IL12RB2: variants seen among roughly 807,000 people sequenced by gnomAD.
IL12RB2 encodes the protein interleukin 12 receptor subunit beta 2, also known as interleukin-12 receptor subunit beta-2.
IL12RB2 carries 82 observed loss-of-function variants against 89.4 expected under a neutral mutation model. That is an observed-to-expected ratio of 0.92 (90% confidence interval 0.77 to 1.10). The LOEUF is 1.10. Ranked by LOEUF, IL12RB2 falls within the 50% of genes least tolerant of loss-of-function variation. IL12RB2 has a pLI of 0.00. For missense variants in IL12RB2, 963 were observed against 1,031.9 expected, an observed-to-expected ratio of 0.93 and a Z score of 0.92; for synonymous variants, 368 against 370.1, an observed-to-expected ratio of 0.99 and a Z score of 0.07.
chr1:67,360,245 T>C (rs983957460), intron 10 of IL12RB2, among the ~76,000 whole-genome samples: 11 of 151,272 alleles, frequency 7.3e-5, no homozygotes, highest in Admixed American at 3.3e-4. Context: ...CTACTAAAAA[T>C]GCAAATTAGC....
chr1:67,368,224 TCTTA>T (rs1037237908), intron 11 of IL12RB2, among the ~76,000 whole-genome samples, 199 bp downstream of exon 11: 6 of 152,230 alleles, frequency 3.9e-5, no homozygotes, highest in African/African-American at 1.4e-4. Context: ...CTAAAAGCTC[TCTTA>T]TTTATGGAAA....
At chr1:67,333,910 CTCTG>C (rs1342803376) in intron 8 of IL12RB2, among the ~76,000 whole-genome samples, 1 of 152,198 alleles carries the variant, frequency 6.6e-6, no homozygotes, top group Non-Finnish European at 1.5e-5. Context: ...ACCAATATGT[CTCTG>C]TCTGTTAATC....
At chr1:67,320,237 G>GA (rs1464806059) in intron 2 of IL12RB2, 96 bp from the exon 3 acceptor site, 4 of 1,566,298 alleles carry the variant, frequency 2.6e-6, no homozygotes, top group Non-Finnish European at 3.5e-6. Flanking sequence ...ACAAGGTGGA[G>GA]AAAAATAAAG....
chr1:67,352,061 T>A (rs990813768), intron 10 of IL12RB2, among the ~76,000 whole-genome samples: 1 of 152,222 alleles, frequency 6.6e-6, no homozygotes, highest in African/African-American at 2.4e-5. Flanking sequence ...TAATATACAC[T>A]GTTAAATCTT....
chr1:67,366,126 TA>T (rs938365841), intron 10 of IL12RB2, among the ~76,000 whole-genome samples: 30 of 151,894 alleles, frequency 2.0e-4, no homozygotes, highest in Non-Finnish European at 3.8e-4. Context: ...AAATAACTAG[TA>T]ATATATGAAA....
At chr1:67,370,233 G>A (rs977740943) in intron 11 of IL12RB2, among the ~76,000 whole-genome samples, 12 of 152,022 alleles carry the variant, frequency 7.9e-5, no homozygotes, top group African/African-American at 2.9e-4. Flanking sequence ...ATTTTCACCA[G>A]CCTTTTCCCA....
chr1:67,364,076 T>A (rs1345412917), intron 10 of IL12RB2, among the ~76,000 whole-genome samples: 1 of 152,212 alleles, frequency 6.6e-6, no homozygotes, highest in Non-Finnish European at 1.5e-5. Context: ...TATAGTTGTC[T>A]ATAAGAAATC....
At chr1:67,382,001 T>G (rs1441126576) in intron 14 of IL12RB2, among the ~76,000 whole-genome samples, 1 of 151,568 alleles carries the variant, frequency 6.6e-6, no homozygotes, top group Non-Finnish European at 1.5e-5. Context: ...TAAAAAAAAA[T>G]AAAAACAAAA....
chr1:67,344,899 C>T lies in IL12RB2; in HGVS notation c.1039-5971C>T, dbSNP rs181845236. Among the ~76,000 whole-genome samples, 87 of 152,150 alleles carry T rather than the reference C, an allele frequency of 5.7e-4. No individual in the cohort carries two copies. The Middle Eastern group carries it at 0.017, about 30-fold the overall frequency. On this transcript the variant is annotated intron_variant, in intron 9 of 16. Coordinates refer to ENST00000674203, the MANE Select transcript of IL12RB2 (RefSeq NM_001374259.2). Reference sequence around the variant, plus strand: ...CAATACAGAGAGAGTTAAGAAAATTCGGACTGGGCATGGTGGCTCATGCCT... The same window carrying T: ...CAATACAGAGAGAGTTAAGAAAATTTGGACTGGGCATGGTGGCTCATGCCT...
Position 67,396,408 on chromosome 1 carries a change from G to A in IL12RB2, c.*319G>A, listed in dbSNP as rs140855376. The A allele has an allele frequency of 7.4e-4, 343 of 460,732 alleles. No homozygotes were observed. The highest frequency in any genetic ancestry group is 1.2e-3 in the Non-Finnish European group (297 of 248,374). 28.5% of individuals were successfully genotyped at this position (460,732 alleles called of 1,614,324 possible). ...AATGAGGAGGAGAGTAGAAACCACA[G>A]CTCTTAGTAGTAATGGCATACAGTC... is the stretch of plus-strand genomic sequence containing the variant. On this transcript the variant is annotated 3_prime_UTR_variant, in exon 17 of 17. Transcript: ENST00000674203.
At chr1:67,313,618 T>C (rs1655374035) in intron 1 of IL12RB2, among the ~76,000 whole-genome samples, 1 of 152,066 alleles carries the variant, frequency 6.6e-6, no homozygotes, top group Admixed American at 6.6e-5. Context: ...TGAGGTCAGT[T>C]CAAGACCAGC....
In IL12RB2 at chr1:67,389,339, A is replaced by AAAC. The variant is rs199993186; in HGVS notation, c.1947-688_1947-687insCAA. ...AGACAAATTGTAAAGCATACTTTTAAAAAAAAAAAAAAATCAAAGCTTATG... is the reference window on the plus strand; with the variant it reads ...AGACAAATTGTAAAGCATACTTTTAAAACAAAAAAAAAAAAATCAAAGCTTATG... On this transcript the variant is annotated intron_variant, in intron 15 of 16. Transcript: ENST00000674203. 3.9e-3 allele frequency among the ~76,000 whole-genome samples: 379 copies of AAAC among 96,812 alleles called. 2 individuals carry two copies. Among genetic ancestry groups the AAAC allele is most frequent in the Non-Finnish European group, 4.8e-3 (187 of 38,872 alleles). 63.5% of individuals were successfully genotyped at this position (96,812 alleles called of 152,430 possible). A position where few individuals can be genotyped will look rare whatever the true frequency, so the allele number is the denominator to read the frequency against.
At chr1:67,322,031 C>T (rs997578439) in intron 4 of IL12RB2, 142 bp downstream of exon 4, 56 of 754,564 alleles carry the variant, frequency 7.4e-5, no homozygotes, top group Admixed American at 1.4e-4. Context: ...ATCTTGATAC[C>T]GACCTGAGAG....
intron 7 of IL12RB2, 34 bp downstream of exon 7, chr1:67,329,763 A>T: frequency 6.8e-7 from 1 of 1,464,598 alleles, no homozygotes. Context: ...AAAAACACTG[A>T]AGCATTCTTA....
chr1:67,335,197 A>G (rs1278347606), intron 8 of IL12RB2, among the ~76,000 whole-genome samples: 2 of 152,192 alleles, frequency 1.3e-5, no homozygotes, highest in African/African-American at 4.8e-5. Context: ...TGTATCTGCA[A>G]GGGGATGAAA....
intron 13 of IL12RB2, 98 bp downstream of exon 13, chr1:67,372,881 C>A (rs564788180): frequency 4.8e-6 from 4 of 834,120 alleles, no homozygotes; most frequent in Non-Finnish European, 6.4e-6. Flanking sequence ...CATGTGCTAG[C>A]GCAATGCCTG....
chr1:67,395,087 G>A (rs1191222309), intron 16 of IL12RB2, among the ~76,000 whole-genome samples: 3 of 152,056 alleles, frequency 2.0e-5, no homozygotes, highest in East Asian at 1.9e-4. Flanking sequence ...GGCCAACATG[G>A]TGAAACCCTG....
At chr1:67,337,407 G>C (rs1026871432) in intron 8 of IL12RB2, among the ~76,000 whole-genome samples, 1 of 152,168 alleles carries the variant, frequency 6.6e-6, no homozygotes, top group Admixed American at 6.5e-5. Flanking sequence ...TAAGTGACTT[G>C]ATGGTAGAGG....
At chr1:67,359,187 T>C (rs894399015) in intron 10 of IL12RB2, among the ~76,000 whole-genome samples, 2 of 152,048 alleles carry the variant, frequency 1.3e-5, no homozygotes, top group African/African-American at 2.4e-5. Context: ...ATATACAACA[T>C]GCACTCCAAA....
Sources: gnomAD v4.1 joint callset for allele counts (sites outside exome capture counted in the v4.1 genomes callset) on GRCh38, gnomAD v4.1.1 for gene constraint, MANE v1.5 for transcripts, NCBI Gene and HGNC (gene_info 2026-07-23, HGNC 2026-07-21) for gene names.